Variants in RIMBP2 observed in about 807,000 individuals in gnomAD.
The protein encoded by RIMBP2 is RIMS binding protein 2, also known as RIMS-binding protein 2.
A neutral mutation model predicts 118.6 loss-of-function variants in RIMBP2; 48 were observed. The observed-to-expected ratio is 0.40, with a 90% CI of 0.32 to 0.51. The LOEUF (loss-of-function observed/expected upper bound fraction) is 0.51. Among genes scored for constraint, RIMBP2 ranks in the 20% least tolerant of loss-of-function variants. The pLI, the probability that RIMBP2 is intolerant of heterozygous loss-of-function variation, is 0.41. For missense variants in RIMBP2, 1,551 were observed against 1,768.3 expected, an observed-to-expected ratio of 0.88 and a Z score of 2.20; for synonymous variants, 762 against 742.9, an observed-to-expected ratio of 1.03 and a Z score of -0.42.
intron 22 of RIMBP2, chr12:130,397,780 G>A (rs554105295): frequency 2.9e-6 from 1 of 341,016 alleles, no homozygotes; most frequent in South Asian, 1.5e-4. Context: ...GGGAGTGCGG[G>A]GTGGCCGTTG....
Position 130,436,976 on chromosome 12 carries a change from G to A in RIMBP2, c.1972C>T (p.Pro658Ser), listed in dbSNP as rs368459899. 6.2e-7 allele frequency: 1 copy of A among 1,609,166 alleles called. No individual in the cohort carries two copies. Among genetic ancestry groups the A allele is most frequent in the South Asian group, 1.1e-5 (1 of 90,260 alleles). ...PGPVHGHMLE[P>S]PVGPGRRSPS... ...GACCGCCTTCCGGGGCCCACGGGCG[G>A]CTCCAGCATGTGCCCATGCACAGGG... The change falls in exon 13 of 23, where the codon CCG becomes TCG. Residue 658 changes from proline (P) to serine (S), a missense_variant. By Grantham distance (74) the Pro-to-Ser change is moderately conservative (BLOSUM62 -1). Coordinates refer to ENST00000690449, the MANE Select transcript of RIMBP2 (RefSeq NM_001393629.1).
intron 11 of RIMBP2, among the ~76,000 whole-genome samples, chr12:130,439,000 C>CT (rs2077777456): frequency 6.6e-6 from 1 of 151,054 alleles, no homozygotes; most frequent in Admixed American, 6.6e-5. Context: ...CTTTTCTTCT[C>CT]TCTTTTCTCT....
At position 130,633,622 on chromosome 12, in the gene RIMBP2, T is replaced by A. The variant is rs1318426268; in HGVS notation, c.-351-5166A>T. Among the ~76,000 whole-genome samples, 3 of 152,136 alleles carry A rather than the reference T, an allele frequency of 2.0e-5. No homozygotes were observed. In the East Asian group the frequency reaches 5.8e-4, roughly 29 times the overall value. ...TGAGCCACAATTAAGACCCAAAGGT[T>A]TAGAAACCAGGGGTTATCACAACCC... On this transcript the variant is annotated intron_variant, in intron 1 of 22. Coordinates refer to ENST00000690449, the MANE Select transcript of RIMBP2 (RefSeq NM_001393629.1).
At chr12:130,568,726 A>G (rs1444348655) in intron 2 of RIMBP2, among the ~76,000 whole-genome samples, 1 of 152,200 alleles carries the variant, frequency 6.6e-6, no homozygotes, top group East Asian at 1.9e-4. Context: ...CAGGTCCCCA[A>G]TCCCACAGTC....
intron 19 of RIMBP2, among the ~76,000 whole-genome samples, chr12:130,409,227 T>C (rs2075467785): frequency 6.6e-6 from 1 of 151,596 alleles, no homozygotes; most frequent in African/African-American, 2.4e-5. Flanking sequence ...AGACCGGCCA[T>C]AGTCCTCTGT....
intron 4 of RIMBP2, among the ~76,000 whole-genome samples, chr12:130,494,575 T>G (rs7296034): frequency 0.45 from 68,316 of 150,374 alleles, 16,297 homozygotes; most frequent in East Asian, 0.87. Context: ...GGAGGCAGAG[T>G]TTGCAGTGAA....
rs370977982 is a variant in RIMBP2 at position 130,450,263 on chromosome 12, C to T, written c.518G>A (p.Arg173Gln). The T allele has an allele frequency of 1.4e-5, 22 of 1,607,444 alleles. No individual in the cohort carries two copies. The highest frequency in any genetic ancestry group is 2.2e-5 in the East Asian group (1 of 44,652). ...TCTCTGCTTGGAGGTATTGGAATTCCGTTCATTCTCCATCTGTGAAAAAGG... is the reference window on the plus strand; with the variant it reads ...TCTCTGCTTGGAGGTATTGGAATTCTGTTCATTCTCCATCTGTGAAAAAGG... ...CRSESDMENERNSNTSKQRYS... is the reference protein window; with the variant it reads ...CRSESDMENEQNSNTSKQRYS... Residue 173 changes from arginine to glutamine, a missense_variant, in exon 9 of 23, where the codon CGG becomes CAG. Physicochemically the swap from Arg to Gln is conservative, Grantham distance 43. Around this residue, in one of 5 missense-constraint regions of RIMBP2, gnomAD observed 239 missense variants for 256.8 expected, o/e 0.93. Transcript: ENST00000690449. This position sits in a 1 kb window ranked among gnomAD's most constrained non-coding sequence, Gnocchi z 4.8.
At chr12:130,715,611 C>T (rs35311672) in intron 1 of RIMBP2, among the ~76,000 whole-genome samples, 6,589 of 152,308 alleles carry the variant, frequency 0.043, 184 homozygotes, top group East Asian at 0.092. Flanking sequence ...CACACTCTGC[C>T]GGGGAACATC....
rs547333780 is a variant in RIMBP2, at chr12:130,533,534, T to C, written c.-216-15617A>G. Among the ~76,000 whole-genome samples, 75 of 152,300 alleles carry C rather than the reference T, an allele frequency of 4.9e-4. 1 individual carries two copies. Among genetic ancestry groups the C allele is most frequent in the African/African-American group, 1.6e-3 (68 of 41,550 alleles). On this transcript the variant is annotated intron_variant, in intron 2 of 22. Coordinates refer to ENST00000690449, the MANE Select transcript of RIMBP2 (RefSeq NM_001393629.1). ...ACAAAAAATAGAACAATTAATACCA[T>C]TCCATCCAGTAATTCCACTACTGGT...
At chr12:130,413,863 G>T (rs1365830866) in intron 18 of RIMBP2, among the ~76,000 whole-genome samples, 1 of 152,014 alleles carries the variant, frequency 6.6e-6, no homozygotes, top group Admixed American at 6.6e-5. Context: ...TCTCAACAAC[G>T]TAGGCCCTAA....
At chr12:130,426,030 G>C (rs1294277347) in intron 15 of RIMBP2, 1 of 152,340 alleles carries the variant, frequency 6.6e-6, no homozygotes, top group Non-Finnish European at 1.5e-5. Flanking sequence ...ATATTGGAGC[G>C]AATAAGGACA....
At position 130,422,749 on chromosome 12, in the gene RIMBP2, G is replaced by A. The variant is rs1158583232; in HGVS notation, c.3130-188C>T. 1.3e-5 allele frequency among the ~76,000 whole-genome samples: 2 copies of A among 152,206 alleles called. No homozygotes were observed. Among genetic ancestry groups the A allele is most frequent in the Non-Finnish European group, 2.9e-5 (2 of 68,040 alleles). ...GGCACCAGCACCCCACTGTCTACTC[G>A]GAGCCGCTGCTGGGCGCATGGTGGG... On this transcript the variant is annotated intron_variant, in intron 16 of 22. Transcript: ENST00000690449. This position sits in a 1 kb window ranked among gnomAD's most constrained non-coding sequence, Gnocchi z 5.2.
chr12:130,437,373 C>T, intron 12 of RIMBP2, 82 bp from the exon 13 acceptor site: 2 of 1,165,390 alleles, frequency 1.7e-6, no homozygotes, highest in Non-Finnish European at 2.4e-6. Flanking sequence ...AGTCCTCTGC[C>T]CAGAGGCCAG....
chr12:130,646,454 G>T lies in RIMBP2; in HGVS notation c.-351-17998C>A, dbSNP rs199912220. Reference sequence around the variant, plus strand: ...CTCCACCTCCCTTGCCACCTCCCTCGCCACCTCCCTCGCTACCTCCCTCAC... The same window carrying T: ...CTCCACCTCCCTTGCCACCTCCCTCTCCACCTCCCTCGCTACCTCCCTCAC... On this transcript the variant is annotated intron_variant, in intron 1 of 22. Transcript: ENST00000690449. Among the ~76,000 whole-genome samples the T allele has an allele frequency of 6.5e-4, 48 of 73,616 alleles. 6 individuals are homozygous for T. The highest frequency in any genetic ancestry group is 2.0e-3 in the South Asian group (4 of 2,026). The allele number at this position is 73,616 out of a possible 152,430, so 48.3% of individuals were successfully genotyped here.
intron 7 of RIMBP2, among the ~76,000 whole-genome samples, chr12:130,456,057 G>A (rs758521958): frequency 6.6e-6 from 1 of 152,216 alleles, no homozygotes; most frequent in Admixed American, 6.5e-5. Context: ...AAGTTACTGA[G>A]ATGAGAAGGA....
chr12:130,696,347 A>G (rs2065577575), intron 1 of RIMBP2, among the ~76,000 whole-genome samples: 1 of 152,208 alleles, frequency 6.6e-6, no homozygotes, highest in African/African-American at 2.4e-5. Context: ...TTTTCTATAC[A>G]TCAGTCATTC....
At chr12:130,604,833 C>T (rs11061020) in intron 2 of RIMBP2, among the ~76,000 whole-genome samples, 97,629 of 143,132 alleles carry the variant, frequency 0.68, 33,601 homozygotes, top group South Asian at 0.8. Context: ...CCGCCCACCT[C>T]GGCCTCCCAA....
intron 1 of RIMBP2, among the ~76,000 whole-genome samples, chr12:130,655,061 G>A (rs2063367235): frequency 6.6e-6 from 1 of 152,156 alleles, no homozygotes; most frequent in South Asian, 2.1e-4. Flanking sequence ...TGAGATTTGG[G>A]GGAGACACAC....
intron 18 of RIMBP2, 23 bp from the exon 19 acceptor site, chr12:130,412,810 A>T (rs771827369): frequency 1.3e-5 from 21 of 1,600,200 alleles, no homozygotes; most frequent in Non-Finnish European, 1.6e-5. Context: ...GGGAAAATAA[A>T]TCAAGCACTG....
Sources: gnomAD v4.1 joint callset for allele counts (sites outside exome capture counted in the v4.1 genomes callset) on GRCh38, gnomAD v4.1.1 for gene constraint, gnomAD v4.1.1 regional missense constraint, Gnocchi (gnomAD v3.1) non-coding constraint, MANE v1.5 for transcripts, NCBI Gene and HGNC (gene_info 2026-07-23, HGNC 2026-07-21) for gene names.